EHBP1: variants seen among roughly 807,000 people sequenced by gnomAD.
The protein encoded by EHBP1 is EH domain binding protein 1.
A neutral mutation model predicts 144.0 loss-of-function variants in EHBP1; 55 were observed. The observed-to-expected ratio is 0.38, with a 90% CI of 0.31 to 0.48. The LOEUF is 0.48. Ranked by LOEUF, EHBP1 falls within the 20% of genes least tolerant of loss-of-function variation. The pLI is 0.98. For synonymous variants in EHBP1, 469 were observed against 472.7 expected (o/e 0.99, Z 0.10); for missense variants, 1,200 against 1,364.2 (o/e 0.88, Z 1.90).
chr2:62,942,210 G>T (rs1438781341), intron 10 of EHBP1, among the ~76,000 whole-genome samples: 2 of 152,030 alleles, frequency 1.3e-5, no homozygotes, highest in Non-Finnish European at 2.9e-5. Flanking sequence ...TTTGAATATG[G>T]TTATCATTGT....
At chr2:62,847,017 C>G (rs1156554464) in intron 7 of EHBP1, among the ~76,000 whole-genome samples, 1 of 151,866 alleles carries the variant, frequency 6.6e-6, no homozygotes, top group Non-Finnish European at 1.5e-5. Flanking sequence ...GCAAAGTAAC[C>G]AAAAGAATAT....
intron 3 of EHBP1, among the ~76,000 whole-genome samples, chr2:62,751,301 T>A (rs977384575): frequency 1.3e-5 from 2 of 152,246 alleles, no homozygotes; most frequent in Non-Finnish European, 2.9e-5. Context: ...GATTTTCGTA[T>A]GTTGAAACAG....
At chr2:62,834,470 A>G (rs1421173330) in intron 7 of EHBP1, among the ~76,000 whole-genome samples, 1 of 152,228 alleles carries the variant, frequency 6.6e-6, no homozygotes, top group African/African-American at 2.4e-5. Context: ...ACCCACCAAC[A>G]CCAAAAAGAT....
chr2:62,783,226 A>G (rs1363583586), intron 5 of EHBP1, among the ~76,000 whole-genome samples: 6 of 152,214 alleles, frequency 3.9e-5, no homozygotes, highest in Admixed American at 3.9e-4. Context: ...TGCAGGGTAC[A>G]GCCCCCCTCC....
chr2:62,946,812 A>G (rs1409102433), intron 12 of EHBP1, among the ~76,000 whole-genome samples: 4 of 152,152 alleles, frequency 2.6e-5, no homozygotes, highest in Non-Finnish European at 5.9e-5. Context: ...TTGTTTTTAA[A>G]TGTTTTTTTA....
intron 2 of EHBP1, among the ~76,000 whole-genome samples, chr2:62,746,404 A>T (rs1268268142): frequency 6.6e-6 from 1 of 151,962 alleles, no homozygotes; most frequent in Non-Finnish European, 1.5e-5. Context: ...ATATATATGT[A>T]TTTAATTAAA....
At chr2:62,930,479 A>G (rs949033526) in intron 10 of EHBP1, among the ~76,000 whole-genome samples, 2 of 152,220 alleles carry the variant, frequency 1.3e-5, no homozygotes, top group East Asian at 3.8e-4. Context: ...ATTTAATGCA[A>G]TTCTTATAAA....
At chr2:62,860,731 A>G (rs916379767) in intron 8 of EHBP1, among the ~76,000 whole-genome samples, 1 of 152,208 alleles carries the variant, frequency 6.6e-6, no homozygotes, top group African/African-American at 2.4e-5. Context: ...GACATTCAGT[A>G]TTTGAACTTT....
At chr2:62,690,420 G>A (rs769334903) in intron 1 of EHBP1, among the ~76,000 whole-genome samples, 6 of 152,004 alleles carry the variant, frequency 3.9e-5, no homozygotes, top group African/African-American at 7.3e-5. Context: ...AAATTAGCTG[G>A]GTGTGGTGGT....
intron 2 of EHBP1, among the ~76,000 whole-genome samples, chr2:62,736,404 A>G (rs1252881229): frequency 2.0e-5 from 3 of 151,494 alleles, no homozygotes; most frequent in Non-Finnish European, 2.9e-5. Flanking sequence ...TTGTGTTTTT[A>G]GTAGAGATGG....
At chr2:62,980,868 T>TA (rs1479273995) in intron 15 of EHBP1, among the ~76,000 whole-genome samples, 2 of 148,498 alleles carry the variant, frequency 1.3e-5, no homozygotes, top group African/African-American at 2.4e-5. Context: ...TTTTTTTTTT[T>TA]TAAATCATTG....
chr2:62,676,392 T>C (rs1346452811), intron 1 of EHBP1, among the ~76,000 whole-genome samples: 1 of 152,266 alleles, frequency 6.6e-6, no homozygotes, highest in Non-Finnish European at 1.5e-5. Flanking sequence ...GAATTGACAT[T>C]GTGCTTTATT....
At chr2:62,796,877 C>G (rs1487804154) in intron 5 of EHBP1, among the ~76,000 whole-genome samples, 1 of 137,010 alleles carries the variant, frequency 7.3e-6, no homozygotes. Context: ...AGATCTTTTT[C>G]TTTGTCTCCT....
At chr2:62,987,060 A>G (rs1475321694) in intron 15 of EHBP1, among the ~76,000 whole-genome samples, 2 of 152,188 alleles carry the variant, frequency 1.3e-5, no homozygotes, top group Non-Finnish European at 2.9e-5. Context: ...TTCAAAAGGT[A>G]CATTGCCTGT....
At chr2:62,974,486 C>T (rs2058630759) in intron 14 of EHBP1, among the ~76,000 whole-genome samples, 1 of 152,120 alleles carries the variant, frequency 6.6e-6, no homozygotes, top group African/African-American at 2.4e-5. Flanking sequence ...GTATACCCTT[C>T]CAAATCTCTT....
At chr2:62,968,242 A>G (rs767008495) in intron 14 of EHBP1, among the ~76,000 whole-genome samples, 4 of 152,206 alleles carry the variant, frequency 2.6e-5, no homozygotes, top group African/African-American at 4.8e-5. Context: ...TACAAAGATT[A>G]GGAAGATCAT....
At chr2:63,005,893 C>G (rs976329199) in intron 19 of EHBP1, among the ~76,000 whole-genome samples, 4 of 151,960 alleles carry the variant, frequency 2.6e-5, no homozygotes, top group African/African-American at 7.2e-5. Context: ...TCTAACATGC[C>G]TAAAATACTT....
At chr2:63,028,751 T>G in intron 19 of EHBP1, among the ~76,000 whole-genome samples, 1 of 152,160 alleles carries the variant, frequency 6.6e-6, no homozygotes, top group Admixed American at 6.5e-5. Flanking sequence ...TTTCCATACT[T>G]TCAGTAGAAT....
chr2:62,694,513 A>C lies in EHBP1; in HGVS notation c.-295-12384A>C, dbSNP rs1465293660. Reference sequence around the variant, plus strand: ...ACTCCCTCCCATGACAAAAAAAAAAAAACTTCTTAAGACAGCAAAAACTAG... The same window carrying C: ...ACTCCCTCCCATGACAAAAAAAAAACAACTTCTTAAGACAGCAAAAACTAG... On this transcript the variant is annotated intron_variant, in intron 1 of 22. Transcript: ENST00000405015. 5.3e-5 allele frequency among the ~76,000 whole-genome samples: 8 copies of C among 152,176 alleles called. No individual in the cohort carries two copies. The South Asian group carries it at 1.2e-3, about 24-fold the overall frequency.
Sources: gnomAD v4.1 joint callset for allele counts (sites outside exome capture counted in the v4.1 genomes callset) on GRCh38, gnomAD v4.1.1 for gene constraint, MANE v1.5 for transcripts, NCBI Gene and HGNC (gene_info 2026-07-23, HGNC 2026-07-21) for gene names.